The following FBXO36 variants were observed in gnomAD, a reference collection of about 807,000 sequenced individuals.
FBXO36 encodes the protein F-box protein 36.
Under a neutral mutation model 17.0 loss-of-function variants are expected in FBXO36, and 18 were observed. The observed-to-expected ratio is 1.06, with a 90% confidence interval of 0.73 to 1.57. FBXO36 has a LOEUF of 1.57. Among genes scored for constraint, FBXO36 ranks in the 40% most tolerant of loss-of-function variants. The pLI, the probability that FBXO36 is intolerant of heterozygous loss-of-function variation, is 0.00. For missense variants in FBXO36, 229 were observed against 221.9 expected (o/e 1.03, Z -0.20); for synonymous variants, 83 against 85.3 (o/e 0.97, Z 0.15).
chr2:229,991,378 G>A (rs1456891309), intron 2 of FBXO36, among the ~76,000 whole-genome samples: 3 of 152,136 alleles, frequency 2.0e-5, no homozygotes, highest in African/African-American at 7.2e-5. Context: ...GGACATGGAG[G>A]CCTCTAAGGA....
chr2:229,983,106 T>A (rs1216376914), intron 2 of FBXO36, among the ~76,000 whole-genome samples: 1 of 151,758 alleles, frequency 6.6e-6, no homozygotes, highest in Non-Finnish European at 1.5e-5. Context: ...CCGGGCGCGG[T>A]GGCTCATGCG....
chr2:229,968,985 G>A (rs760968963), intron 1 of FBXO36, among the ~76,000 whole-genome samples: 4 of 151,876 alleles, frequency 2.6e-5, no homozygotes, highest in Non-Finnish European at 4.4e-5. Context: ...TGTTGGCCAG[G>A]CTGGTCTCAA....
chr2:229,964,612 C>G lies in FBXO36; in HGVS notation c.97-11629C>G, dbSNP rs141532915. Among the ~76,000 whole-genome samples, 69 of 152,310 alleles carry G rather than the reference C, an allele frequency of 4.5e-4. 1 individual carries two copies. The East Asian group carries it at 0.013, about 28-fold the overall frequency. ...CTCGGCTTACCACAGCCTCCACCTC[C>G]CGGGTTCAAGTGATTATCCTGCCTC... On this transcript the variant is annotated intron_variant, in intron 1 of 3. Coordinates refer to ENST00000283946, the MANE Select transcript of FBXO36 (RefSeq NM_174899.5).
chr2:229,926,723 C>T (rs2076914088), intron 1 of FBXO36, among the ~76,000 whole-genome samples: 2 of 151,270 alleles, frequency 1.3e-5, no homozygotes, highest in South Asian at 4.2e-4. Flanking sequence ...CAGAGTGAGA[C>T]CCCATCTCAA....
At chr2:229,975,532 G>A (rs1294306941) in intron 1 of FBXO36, among the ~76,000 whole-genome samples, 1 of 150,552 alleles carries the variant, frequency 6.6e-6, no homozygotes, top group Non-Finnish European at 1.5e-5. Flanking sequence ...ACAGTGGTGC[G>A]ATCTCAGCTC....
At chr2:229,931,920 A>ATT (rs386392870) in intron 1 of FBXO36, among the ~76,000 whole-genome samples, 26 of 147,132 alleles carry the variant, frequency 1.8e-4, no homozygotes, top group East Asian at 3.9e-4. Flanking sequence ...ATGTGTATAT[A>ATT]TTTTTTTTTT....
At chr2:229,986,215 A>G (rs941794725) in intron 2 of FBXO36, among the ~76,000 whole-genome samples, 2 of 152,148 alleles carry the variant, frequency 1.3e-5, no homozygotes, top group Non-Finnish European at 2.9e-5. Context: ...TTAACACAAA[A>G]AGGACTGGGC....
intron 1 of FBXO36, among the ~76,000 whole-genome samples, chr2:229,949,867 G>C (rs1271858382): frequency 1.3e-5 from 2 of 152,250 alleles, no homozygotes; most frequent in Non-Finnish European, 2.9e-5. Flanking sequence ...GGAGCTTGCA[G>C]TGAGCCGAGA....
At position 230,011,362 on chromosome 2, in the gene FBXO36, C is replaced by T. The variant is rs1470331042; in HGVS notation, c.*478C>T. The stretch of plus-strand genomic sequence containing the variant: ...TGTGAAGGGCACGTACCACGGGAGG[C>T]ACTCAGGGTGGGTGCAGCTGCCTTC... On this transcript the variant is annotated 3_prime_UTR_variant, in exon 4 of 4. Transcript: ENST00000283946. 1.3e-5 allele frequency: 2 copies of T among 153,586 alleles called. No individual in the cohort carries two copies. Among genetic ancestry groups the T allele is most frequent in the Non-Finnish European group, 2.9e-5 (2 of 69,060 alleles). The allele number at this position is 153,586 out of a possible 1,614,324, so 9.5% of individuals were successfully genotyped here.
chr2:229,971,254 C>G (rs1175068768), intron 1 of FBXO36, among the ~76,000 whole-genome samples: 2 of 151,576 alleles, frequency 1.3e-5, no homozygotes, highest in East Asian at 3.9e-4. Flanking sequence ...ACTCAGGAGG[C>G]TGAGGCAAGA....
intron 1 of FBXO36, among the ~76,000 whole-genome samples, chr2:229,968,490 C>T (rs990241401): frequency 2.3e-4 from 35 of 152,060 alleles, no homozygotes; most frequent in African/African-American, 7.7e-4. Flanking sequence ...TTTGTTGAGA[C>T]AGGGTCTTGC....
At chr2:229,923,971 C>T (rs1030540848) in intron 1 of FBXO36, among the ~76,000 whole-genome samples, 4 of 149,280 alleles carry the variant, frequency 2.7e-5, no homozygotes, top group African/African-American at 9.9e-5. Flanking sequence ...GTCTCGATCT[C>T]TTGATCTCGT....
chr2:229,967,777 G>A (rs2077160931), intron 1 of FBXO36, among the ~76,000 whole-genome samples: 1 of 152,160 alleles, frequency 6.6e-6, no homozygotes, highest in Non-Finnish European at 1.5e-5. Flanking sequence ...GATTCGGTTT[G>A]CCAGTATTTT....
intron 1 of FBXO36, among the ~76,000 whole-genome samples, chr2:229,937,496 A>C (rs2076970278): frequency 6.6e-6 from 1 of 152,152 alleles, no homozygotes; most frequent in South Asian, 2.1e-4. Context: ...ACTCCGTTTC[A>C]AAAAAATAAT....
intron 1 of FBXO36, among the ~76,000 whole-genome samples, chr2:229,962,769 C>CTG (rs1030709925): frequency 1.1e-4 from 17 of 151,664 alleles, no homozygotes; most frequent in African/African-American, 4.1e-4. Context: ...CCTCCGCCTC[C>CTG]TGGGTTCAAG....
chr2:229,941,714 A>T (rs2076999665), intron 1 of FBXO36, among the ~76,000 whole-genome samples: 2 of 152,028 alleles, frequency 1.3e-5, no homozygotes, highest in African/African-American at 4.8e-5. Flanking sequence ...CTCACCTTTT[A>T]GTAGAGAACC....
At chr2:229,925,840 C>G (rs1357804030) in intron 1 of FBXO36, among the ~76,000 whole-genome samples, 1 of 152,012 alleles carries the variant, frequency 6.6e-6, no homozygotes, top group Non-Finnish European at 1.5e-5. Flanking sequence ...TCTTTTACTG[C>G]TTGATACCAT....
chr2:229,972,557 G>A (rs1308078999), intron 1 of FBXO36, among the ~76,000 whole-genome samples: 1 of 151,982 alleles, frequency 6.6e-6, no homozygotes, highest in Non-Finnish European at 1.5e-5. Context: ...GGAGAGAGGA[G>A]GAGGGAAGAC....
intron 1 of FBXO36, among the ~76,000 whole-genome samples, chr2:229,970,605 A>G (rs993077610): frequency 1.3e-5 from 2 of 152,148 alleles, no homozygotes; most frequent in African/African-American, 4.8e-5. Flanking sequence ...GCACCTCATT[A>G]CTGTTATCAC....
Sources: allele counts gnomAD v4.1 joint callset (sites outside exome capture counted in the v4.1 genomes callset), GRCh38; gene constraint gnomAD v4.1.1; transcripts MANE v1.5; gene names NCBI Gene and HGNC (gene_info 2026-07-23, HGNC 2026-07-21).